The following PAK3 variants were observed in gnomAD, a reference collection of about 807,000 sequenced individuals.
The protein encoded by PAK3 is serine/threonine-protein kinase PAK 3.
PAK3 carries 4 observed loss-of-function variants against 41.0 expected under a neutral mutation model. The observed-to-expected ratio is 0.10, with a 90% CI of 0.05 to 0.22. The LOEUF (loss-of-function observed/expected upper bound fraction) is 0.22. Ranked by LOEUF, PAK3 falls within the 10% of genes least tolerant of loss-of-function variation. PAK3 has a pLI of 1.00. For synonymous variants in PAK3, 146 were observed against 139.6 expected, an observed-to-expected ratio of 1.05 and a Z score of -0.32; for missense variants, 205 against 409.9, an observed-to-expected ratio of 0.50 and a Z score of 4.32.
intron 5 of PAK3, among the ~76,000 whole-genome samples, chrX:111,124,627 G>T (rs375903828): frequency 2.7e-5 from 3 of 111,864 alleles, no homozygotes; most frequent in Non-Finnish European, 5.6e-5. Context: ...AAGAGCAAGC[G>T]CCCACTGATG....
At chrX:110,964,385 T>A (rs754072789) in intron 1 of PAK3, among the ~76,000 whole-genome samples, 1 of 112,396 alleles carries the variant, frequency 8.9e-6, no homozygotes, top group African/African-American at 3.2e-5. Flanking sequence ...ACTCCATAGG[T>A]CTGGGGTGGA....
At chrX:111,205,563 G>A (rs765137330) in intron 16 of PAK3, among the ~76,000 whole-genome samples, 124 of 110,706 alleles carry the variant, frequency 1.1e-3, no homozygotes, top group Non-Finnish European at 1.6e-3. Flanking sequence ...TTCCCACCAA[G>A]CAAAGACACT....
At chrX:111,075,015 C>A (rs2092773096) in intron 1 of PAK3, among the ~76,000 whole-genome samples, 1 of 111,463 alleles carries the variant, frequency 9.0e-6, no homozygotes, top group South Asian at 3.8e-4. Flanking sequence ...GATGGCCAGG[C>A]AGCTTATAAC....
intron 1 of PAK3, among the ~76,000 whole-genome samples, chrX:110,997,542 A>T (rs1402750346): frequency 8.9e-6 from 1 of 111,864 alleles, no homozygotes. Context: ...ATAGGACATG[A>T]GATAAAGTAC....
intron 16 of PAK3, among the ~76,000 whole-genome samples, chrX:111,210,274 GAA>G (rs1285568820): frequency 8.9e-6 from 1 of 112,080 alleles, no homozygotes; most frequent in Non-Finnish European, 1.9e-5. Context: ...CAGCCAGAGA[GAA>G]TAAGTTTCTG....
chrX:111,023,356 G>A (rs2092219368), intron 1 of PAK3, among the ~76,000 whole-genome samples: 1 of 111,937 alleles, frequency 8.9e-6, no homozygotes, highest in African/African-American at 3.2e-5. Flanking sequence ...AAACATACAT[G>A]TGCATGTGTC....
chrX:111,199,039 T>C (rs1214214865), intron 16 of PAK3, among the ~76,000 whole-genome samples: 4 of 111,747 alleles, frequency 3.6e-5, no homozygotes, highest in Admixed American at 9.5e-5. Context: ...TAGAGATCTT[T>C]CACCTTCCTG....
chrX:110,973,328 C>T (rs1784283722), intron 1 of PAK3, among the ~76,000 whole-genome samples: 1 of 112,103 alleles, frequency 8.9e-6, no homozygotes, highest in Non-Finnish European at 1.9e-5. Context: ...GGTCGAGCTA[C>T]ACACAAAGGG....
chrX:111,063,725 C>T (rs2092677450), intron 1 of PAK3, among the ~76,000 whole-genome samples: 1 of 108,933 alleles, frequency 9.2e-6, no homozygotes, highest in Non-Finnish European at 1.9e-5. Context: ...ACTTGCTAGG[C>T]TGAGGCAGGA....
chrX:111,158,070 G>A lies in PAK3; in HGVS notation c.469-4845G>A, dbSNP rs764477186. ...TAGAGTGACATAAAAGCATTACTTT[G>A]ATAAAGTCTTTGTGTCTTAAGAAGG... On this transcript the variant is annotated intron_variant, in intron 8 of 17. Transcript: ENST00000372007. Among the ~76,000 whole-genome samples, 30 of 111,900 alleles carry A rather than the reference G, an allele frequency of 2.7e-4. No individual in the cohort carries two copies. In the Middle Eastern group the frequency reaches 0.019, roughly 70 times the overall value.
rs190179253 is a variant in PAK3, at chrX:110,948,314, T to C, written c.-28+3686T>C. Among the ~76,000 whole-genome samples the C allele has an allele frequency of 4.6e-4, 51 of 111,770 alleles. 1 individual carries two copies. The highest frequency in any genetic ancestry group is 7.7e-4 in the Non-Finnish European group (41 of 53,131). ...AATTAAGTTTAGTTGGAAAGTTGCT[T>C]TTATCCTTCAGACTAATTGTCTTTC... On this transcript the variant is annotated intron_variant, in intron 1 of 14. Transcript: ENST00000425146.
chrX:110,972,299 C>A (rs1390166095), intron 1 of PAK3, among the ~76,000 whole-genome samples: 2 of 111,532 alleles, frequency 1.8e-5, no homozygotes, highest in African/African-American at 6.5e-5. Context: ...CCCCGTGTAG[C>A]CTAAATGGGG....
At chrX:111,110,582 T>C (rs914237004) in intron 4 of PAK3, among the ~76,000 whole-genome samples, 1 of 111,678 alleles carries the variant, frequency 9.0e-6, no homozygotes, top group Non-Finnish European at 1.9e-5. Flanking sequence ...CATAAATGTT[T>C]GGAAAGCAGT....
At chrX:111,177,691 G>C (rs2094421185) in intron 11 of PAK3, among the ~76,000 whole-genome samples, 1 of 111,899 alleles carries the variant, frequency 8.9e-6, no homozygotes, top group African/African-American at 3.2e-5. Flanking sequence ...AAATGAGGTA[G>C]AGTGAGACAA....
At chrX:110,967,868 T>A (rs1356495882) in intron 1 of PAK3, among the ~76,000 whole-genome samples, 1 of 111,688 alleles carries the variant, frequency 9.0e-6, no homozygotes, top group African/African-American at 3.3e-5. Flanking sequence ...GTGTGTCTAG[T>A]TCCATGTCAG....
intron 9 of PAK3, 50 bp downstream of exon 9, chrX:111,163,096 A>G (rs1296901752): frequency 9.1e-7 from 1 of 1,104,662 alleles, no homozygotes; most frequent in Non-Finnish European, 1.3e-6. Context: ...GCCCTTTGGA[A>G]TAGTCATAGA....
chrX:111,122,534 T>G (rs2093593458), intron 4 of PAK3, among the ~76,000 whole-genome samples: 1 of 110,771 alleles, frequency 9.0e-6, no homozygotes, highest in Admixed American at 9.7e-5. Flanking sequence ...TATGGGATGG[T>G]TTCTCGGTTA....
At chrX:111,127,630 T>C (rs1034698652) in intron 5 of PAK3, among the ~76,000 whole-genome samples, 15 of 110,688 alleles carry the variant, frequency 1.4e-4, no homozygotes, top group Middle Eastern at 4.2e-3. Flanking sequence ...ACCATATGGG[T>C]TGATTTTATT....
At chrX:111,169,707 C>G (rs1054041516) in intron 10 of PAK3, among the ~76,000 whole-genome samples, 2 of 111,401 alleles carry the variant, frequency 1.8e-5, no homozygotes, top group African/African-American at 3.3e-5. Context: ...TCCTGGAACT[C>G]TGACTTATTC....
Sources: gnomAD v4.1 joint callset for allele counts (sites outside exome capture counted in the v4.1 genomes callset) on GRCh38, gnomAD v4.1.1 for gene constraint, MANE v1.5 for transcripts, NCBI Gene and HGNC (gene_info 2026-07-23, HGNC 2026-07-21) for gene names.